The following XRCC2 variants were observed in gnomAD, a reference collection of about 807,000 sequenced individuals.
XRCC2 encodes the protein X-ray repair cross complementing 2.
In XRCC2, 24 loss-of-function variants were observed where a neutral mutation model predicts 27.3. That is an observed-to-expected ratio of 0.88 (90% CI 0.64 to 1.24). XRCC2 has a LOEUF of 1.24. XRCC2 is among the 50% of genes most tolerant of loss of function. The probability of loss-of-function intolerance (pLI) is 0.00; values close to 1 mark genes in which losing one functional copy is unlikely to be tolerated. For missense variants in XRCC2, 321 were observed against 325.8 expected (o/e 0.99, Z 0.11); for synonymous variants, 106 against 115.4 (o/e 0.92, Z 0.52).
chr7:152,671,672 G>T (rs920761941), intron 1 of XRCC2, among the ~76,000 whole-genome samples: 3 of 152,146 alleles, frequency 2.0e-5, no homozygotes, highest in Non-Finnish European at 2.9e-5. Context: ...GATAAGGTTG[G>T]ATGTTTTGTA....
In XRCC2 at chr7:152,676,099, A is replaced by C. The variant is rs2098040995; in HGVS notation, c.-20T>G. 1.2e-6 allele frequency: 2 copies of C among 1,613,706 alleles called. No individual in the cohort carries two copies. Among genetic ancestry groups the C allele is most frequent in the East Asian group, 4.5e-5 (2 of 44,868 alleles). ...ACACATCGCCCCGAAGGCTCGGCGC[A>C]GGAGAGACTCAACTTTCCCGCCACC... On this transcript the variant is annotated 5_prime_UTR_variant, in exon 1 of 3. Transcript: ENST00000359321.
chr7:152,675,307 C>T (rs989175061), intron 1 of XRCC2, among the ~76,000 whole-genome samples: 2 of 152,146 alleles, frequency 1.3e-5, no homozygotes, highest in African/African-American at 2.4e-5. Flanking sequence ...CTGCATCTTC[C>T]ATGATGCCCG....
At chr7:152,650,428 G>A (rs950761208) in intron 2 of XRCC2, among the ~76,000 whole-genome samples, 1 of 152,214 alleles carries the variant, frequency 6.6e-6, no homozygotes, top group Non-Finnish European at 1.5e-5. Flanking sequence ...GACAGCACAA[G>A]TTAAATCAAA....
chr7:152,666,257 T>C (rs2098035601), intron 1 of XRCC2, among the ~76,000 whole-genome samples: 1 of 152,164 alleles, frequency 6.6e-6, no homozygotes, highest in African/African-American at 2.4e-5. Flanking sequence ...TCACCCAGGC[T>C]GGAGTGTGCA....
intron 1 of XRCC2, among the ~76,000 whole-genome samples, chr7:152,667,243 A>T (rs1248907331): frequency 1.3e-5 from 2 of 151,572 alleles, no homozygotes; most frequent in Non-Finnish European, 2.9e-5. Flanking sequence ...CCCTGTCTCT[A>T]CTAAAAATAC....
chr7:152,645,852 G>A lies in XRCC2; in HGVS notation c.*2790C>T, dbSNP rs544392688. ...GGCTCACTGGAACCCAGGAGTTCGA[G>A]GCTGCAGTGAGTTATGATGCCACTG... On this transcript the variant is annotated 3_prime_UTR_variant, in exon 3 of 3. Transcript: ENST00000359321. 6.6e-6 allele frequency: 1 copy of A among 152,276 alleles called. No individual in the cohort carries two copies. The highest frequency in any genetic ancestry group is 2.4e-5 in the African/African-American group (1 of 41,532). The allele number at this position is 152,276 out of a possible 1,614,324, so 9.4% of individuals were successfully genotyped here.
At chr7:152,666,438 C>G (rs1038951866) in intron 1 of XRCC2, among the ~76,000 whole-genome samples, 3 of 152,062 alleles carry the variant, frequency 2.0e-5, no homozygotes, top group African/African-American at 7.2e-5. Context: ...TCTCGAACTC[C>G]TGGACTCAAG....
chr7:152,651,207 T>G (rs1203475249), intron 2 of XRCC2, among the ~76,000 whole-genome samples: 1 of 152,222 alleles, frequency 6.6e-6, no homozygotes, highest in East Asian at 1.9e-4. Context: ...CCCAAAGTGC[T>G]GGGATTACAG....
chr7:152,676,096 C>T lies in XRCC2; in HGVS notation c.-17G>A. The T allele has an allele frequency of 6.2e-7, 1 of 1,613,698 alleles. No homozygotes were observed. The highest frequency in any genetic ancestry group is 1.1e-5 in the South Asian group (1 of 91,086). On this transcript the variant is annotated 5_prime_UTR_variant, in exon 1 of 3. Transcript: ENST00000359321. Reference sequence around the variant, plus strand: ...ACTACACATCGCCCCGAAGGCTCGGCGCAGGAGAGACTCAACTTTCCCGCC... The same window carrying T: ...ACTACACATCGCCCCGAAGGCTCGGTGCAGGAGAGACTCAACTTTCCCGCC...
chr7:152,659,393 A>T (rs1214036214), intron 2 of XRCC2, among the ~76,000 whole-genome samples: 2 of 152,152 alleles, frequency 1.3e-5, no homozygotes, highest in South Asian at 4.1e-4. Flanking sequence ...GGCTGGTCTC[A>T]AACTCCTGAC....
Position 152,648,450 on chromosome 7 carries a change from G to A in XRCC2, c.*192C>T. On this transcript the variant is annotated 3_prime_UTR_variant, in exon 3 of 3. Transcript: ENST00000359321. ...AAAAGAAAACTTTTGGCCACGAGCAGTGGCTCACGCCTGTAATCCCTGCAC... is the reference window on the plus strand; with the variant it reads ...AAAAGAAAACTTTTGGCCACGAGCAATGGCTCACGCCTGTAATCCCTGCAC... 3 of 451,270 alleles carry A rather than the reference G, an allele frequency of 6.6e-6. No homozygotes were observed. Among genetic ancestry groups the A allele is most frequent in the Non-Finnish European group, 1.1e-5 (3 of 271,504 alleles). 28.0% of individuals were successfully genotyped at this position (451,270 alleles called of 1,614,324 possible).
intron 1 of XRCC2, among the ~76,000 whole-genome samples, chr7:152,669,887 A>G (rs2098037456): frequency 6.6e-6 from 1 of 151,898 alleles, no homozygotes; most frequent in African/African-American, 2.4e-5. Context: ...GCTTGGGCCA[A>G]GGCTAGCAAC....
chr7:152,649,407 G>T (rs1283066947), intron 2 of XRCC2, 44 bp from the exon 3 acceptor site: 1 of 1,510,882 alleles, frequency 6.6e-7, no homozygotes, highest in South Asian at 1.4e-5. Flanking sequence ...AGTAGCTCAA[G>T]GGTAGGTTAC....
At chr7:152,654,850 C>A (rs2116993830) in intron 2 of XRCC2, among the ~76,000 whole-genome samples, 1 of 152,330 alleles carries the variant, frequency 6.6e-6, no homozygotes, top group South Asian at 2.1e-4. Flanking sequence ...GCAAGAGACA[C>A]ATGAATTATC....
chr7:152,672,066 T>C (rs1280580529), intron 1 of XRCC2, among the ~76,000 whole-genome samples: 1 of 152,070 alleles, frequency 6.6e-6, no homozygotes, highest in Non-Finnish European at 1.5e-5. Flanking sequence ...AATATATAAA[T>C]TTAAAATAAA....
intron 1 of XRCC2, among the ~76,000 whole-genome samples, chr7:152,667,405 CAAAAAAAA>C (rs60136474): frequency 2.6e-5 from 2 of 75,862 alleles, no homozygotes; most frequent in Admixed American, 1.4e-4. Context: ...AACTCCGTCT[CAAAAAAAA>C]AAAAAAAAAA....
Position 152,648,928 on chromosome 7 carries a change from T to G in XRCC2, c.557A>C (p.Asp186Ala). ...CGTTGCAAAAAGAACCAGGCGATAG[T>G]CATTTACAAGCTTCTCTAAGCACTG... Reference protein sequence around the residue: ...CSQCLEKLVNDYRLVLFATTQ... With the variant: ...CSQCLEKLVNAYRLVLFATTQ... The change falls in exon 3 of 3, where the codon GAC becomes GCC. Residue 186 changes from aspartate (D) to alanine (A), a missense_variant. By Grantham distance (126) the Asp-to-Ala change is moderately radical. Transcript: ENST00000359321. 6.2e-7 allele frequency: 1 copy of G among 1,614,196 alleles called. No individual in the cohort carries two copies. The highest frequency in any genetic ancestry group is 8.5e-7 in the Non-Finnish European group (1 of 1,180,048).
intron 1 of XRCC2, among the ~76,000 whole-genome samples, chr7:152,665,308 A>G (rs1033512336): frequency 6.6e-6 from 1 of 152,030 alleles, no homozygotes; most frequent in Non-Finnish European, 1.5e-5. Flanking sequence ...CCTGGTAACA[A>G]TGTGAGCCAA....
At chr7:152,654,266 A>G in intron 2 of XRCC2, among the ~76,000 whole-genome samples, 1 of 152,024 alleles carries the variant, frequency 6.6e-6, no homozygotes, top group South Asian at 2.1e-4. Flanking sequence ...ACTGGGAGTA[A>G]TCCACACAGA....
Sources: gnomAD v4.1 joint callset for allele counts (sites outside exome capture counted in the v4.1 genomes callset) on GRCh38, gnomAD v4.1.1 for gene constraint, MANE v1.5 for transcripts, NCBI Gene and HGNC (gene_info 2026-07-23, HGNC 2026-07-21) for gene names.